Variants in EVC2 observed in about 807,000 individuals in gnomAD.
EVC2 encodes the protein limbin.
In EVC2, 148 loss-of-function variants were observed where a neutral mutation model predicts 149.3. That is an observed-to-expected ratio of 0.99 (90% confidence interval 0.87 to 1.14). EVC2 has a LOEUF of 1.14. Ranked by LOEUF, EVC2 falls within the 50% of genes most tolerant of loss-of-function variation. The pLI is 0.00. For synonymous variants in EVC2, 776 were observed against 649.9 expected (o/e 1.19, Z -2.95); for missense variants, 1,854 against 1,627.3 (o/e 1.14, Z -2.40).
chr4:5,677,137 C>T lies in EVC2; in HGVS notation c.870+4123G>A, dbSNP rs2151719830. On this transcript the variant is annotated intron_variant, in intron 7 of 21. Transcript: ENST00000344408. This position sits in a 1 kb window ranked among gnomAD's most constrained non-coding sequence, Gnocchi z 4.3. ...TGACATTTATGGAGCCCTCACAGTG[C>T]CAGGCACTGTGCTGAGTACTTTACA... Among the ~76,000 whole-genome samples the T allele has an allele frequency of 6.6e-6, 1 of 152,254 alleles. No individual in the cohort carries two copies. The highest frequency in any genetic ancestry group is 1.9e-4 in the East Asian group (1 of 5,182).
chr4:5,673,350 T>G (rs1367732188), intron 7 of EVC2, among the ~76,000 whole-genome samples: 1 of 152,190 alleles, frequency 6.6e-6, no homozygotes, highest in Admixed American at 6.5e-5. Context: ...GGGGACAGGA[T>G]GCTGGTGGGA....
rs1025271938 is a variant in EVC2, at chr4:5,663,739, G to T, written c.1006-493C>A. On this transcript the variant is annotated intron_variant, in intron 8 of 21. Transcript: ENST00000344408. ...AGTTTGACACCAGCCTGGCCAACAC[G>T]GTGAAACCCTGTCTCTACTAAAAAT... Among the ~76,000 whole-genome samples the T allele has an allele frequency of 9.2e-5, 14 of 152,112 alleles. No homozygotes were observed. The East Asian group carries it at 2.7e-3, about 29-fold the overall frequency.
chr4:5,576,461 A>G lies in EVC2; in HGVS notation c.3058-7T>C. On this transcript the variant is annotated splice_polypyrimidine_tract_variant and splice_region_variant and intron_variant, in intron 17 of 21. Transcript: ENST00000344408. This position sits in a 1 kb window ranked among gnomAD's most constrained non-coding sequence, Gnocchi z 4.5. ...TCTCCAACTCCTGGAGCTCCTACAC[A>G]AGGAAGGGGCAGAGGGTAAGCACCA... 6.3e-7 allele frequency: 1 copy of G among 1,582,150 alleles called. No individual in the cohort carries two copies. Among genetic ancestry groups the G allele is most frequent in the Non-Finnish European group, 8.6e-7 (1 of 1,165,330 alleles).
At chr4:5,557,763 A>G (rs976893373), downstream of EVC2, among the ~76,000 whole-genome samples, 1 of 152,158 alleles carries the variant, frequency 6.6e-6, no homozygotes, top group Non-Finnish European at 1.5e-5. Flanking sequence ...GCTTTCCTAT[A>G]TAACAGAAAT....
At chr4:5,708,667 A>G (rs545081513), upstream of EVC2, 39 of 544,484 alleles carry the variant, frequency 7.2e-5, 2 homozygotes, top group Middle Eastern at 1.0e-3. Flanking sequence ...TTGGCGGGCC[A>G]GGAGGTGCCG....
chr4:5,688,934 ATCTC>A lies in EVC2; in HGVS notation c.706+219_706+222del, dbSNP rs376083261. On this transcript the variant is annotated intron_variant, in intron 5 of 21. Transcript: ENST00000344408. ...CCACAACTCTTTCCCCAAATCCAAC[ATCTC>A]TCTAAGATAAATGAGAAATTCAGCT... Among the ~76,000 whole-genome samples the A allele has an allele frequency of 3.3e-3, 498 of 152,294 alleles. 3 individuals carry two copies. Among genetic ancestry groups the A allele is most frequent in the African/African-American group, 0.011 (476 of 41,564 alleles).
rs192363176 is a variant in EVC2, at chr4:5,696,025, G to A, written c.284-1524C>T. ...CAATTGCATCAAGCATCGGGGAACT[G>A]ATGGCCCTCGCCATGGAAACAAGTG... On this transcript the variant is annotated intron_variant, in intron 2 of 21. Transcript: ENST00000344408. The surrounding 1 kb of genome is among the most constrained non-coding windows in gnomAD (Gnocchi z 4.1). Among the ~76,000 whole-genome samples the A allele has an allele frequency of 5.5e-4, 84 of 152,320 alleles. No individual in the cohort carries two copies. The highest frequency in any genetic ancestry group is 1.0e-4 in the Non-Finnish European group (7 of 68,030).
At chr4:5,535,048 C>T in the EVC2 span, among the ~76,000 whole-genome samples, 1 of 152,088 alleles carries the variant, frequency 6.6e-6, no homozygotes, top group Non-Finnish European at 1.5e-5. This position sits in a 1 kb window ranked among gnomAD's most constrained non-coding sequence, Gnocchi z 4.7. Flanking sequence ...CAGAGGTTCC[C>T]TCAATACCAG....
chr4:5,700,369 C>T (rs1721751243), intron 1 of EVC2, among the ~76,000 whole-genome samples: 1 of 152,212 alleles, frequency 6.6e-6, no homozygotes, highest in Non-Finnish European at 1.5e-5. Context: ...CCGAACTCCA[C>T]ACAAATGTAC....
chr4:5,642,075 T>C (rs187697901), intron 9 of EVC2, among the ~76,000 whole-genome samples: 10 of 152,242 alleles, frequency 6.6e-5, no homozygotes, highest in Non-Finnish European at 1.0e-4. Flanking sequence ...TTGCTAAGAG[T>C]TTCCAGCTTC....
intron 9 of EVC2, among the ~76,000 whole-genome samples, chr4:5,652,412 C>T (rs1718210879): frequency 6.6e-6 from 1 of 152,210 alleles, no homozygotes; most frequent in South Asian, 2.1e-4. Context: ...GTCAGCTGCC[C>T]AGCACTGAGA....
At chr4:5,590,670 T>A (rs1712711527) in intron 16 of EVC2, among the ~76,000 whole-genome samples, 1 of 151,882 alleles carries the variant, frequency 6.6e-6, no homozygotes, top group Non-Finnish European at 1.5e-5. Flanking sequence ...CAGTGAGGGT[T>A]TTAGTGTCCT....
At position 5,563,130 on chromosome 4, in the gene EVC2, A is replaced by G; in HGVS notation, c.3660-15T>C. On this transcript the variant is annotated splice_polypyrimidine_tract_variant and intron_variant, in intron 21 of 21. Coordinates refer to ENST00000344408, the MANE Select transcript of EVC2 (RefSeq NM_147127.5). The stretch of plus-strand genomic sequence containing the variant: ...TCTTTAATATGCTAAAGAAATAGCA[A>G]AAGATCAAATTCAATATTTTTGGCA... 1 of 1,610,034 alleles carries G rather than the reference A, an allele frequency of 6.2e-7. No homozygotes were observed. Among genetic ancestry groups the G allele is most frequent in the Non-Finnish European group, 8.5e-7 (1 of 1,178,772 alleles).
At chr4:5,539,896 A>T (rs1560114306), downstream of EVC2, among the ~76,000 whole-genome samples, 1 of 152,224 alleles carries the variant, frequency 6.6e-6, no homozygotes. Context: ...ATCAAAATTA[A>T]TAACTTCTGC....
chr4:5,618,041 G>A lies in EVC2; in HGVS notation c.2706+437C>T, dbSNP rs1234837547. 6.6e-6 allele frequency among the ~76,000 whole-genome samples: 1 copy of A among 152,148 alleles called. No individual in the cohort carries two copies. The highest frequency in any genetic ancestry group is 1.9e-4 in the East Asian group (1 of 5,198). On this transcript the variant is annotated intron_variant, in intron 15 of 21. Coordinates refer to ENST00000344408, the MANE Select transcript of EVC2 (RefSeq NM_147127.5). The surrounding 1 kb of genome is among the most constrained non-coding windows in gnomAD (Gnocchi z 4.4). ...CATCATCCTTTAAGACCCTGTGCAA[G>A]AGCCCCTCTTTCCCTGACCCACCTG...
rs201555920 is a variant in EVC2 at position 5,663,243 on chromosome 4, A to T, written c.1009T>A (p.Trp337Arg). ...KGNMLTRHRV[W>R]QYESKLEPLP... is the part of the protein sequence containing the mutation. ...GGTTCCAGCTTGCTCTCATACTGCC[A>T]AACCTTCAGGAGAATTGCGGAAATA... Residue 337 changes from tryptophan (W) to arginine (R), a missense_variant, in exon 9 of 22, where the codon TGG becomes AGG. Coordinates refer to ENST00000344408, the MANE Select transcript of EVC2 (RefSeq NM_147127.5). 3.9e-4 allele frequency: 622 copies of T among 1,614,000 alleles called. No homozygotes were observed. The highest frequency in any genetic ancestry group is 5.2e-4 in the Non-Finnish European group (609 of 1,179,988).
Position 5,665,548 on chromosome 4 carries a change from C to G in EVC2, c.972G>C (p.Gln324His). 1 of 1,614,204 alleles carries G rather than the reference C, an allele frequency of 6.2e-7. No homozygotes were observed. Among genetic ancestry groups the G allele is most frequent in the Non-Finnish European group, 8.5e-7 (1 of 1,180,046 alleles). ...WAALFLMVRYQCLKGNMLTRH... is the reference protein window; with the variant it reads ...WAALFLMVRYHCLKGNMLTRH... ...TGGTGAGCATGTTTCCCTTCAGACA[C>G]TGATAGCGAACCATGAGGAAGAGGG... The change falls in exon 8 of 22, where the codon CAG (glutamine) becomes CAC (histidine). Residue 324 changes from glutamine (Q) to histidine (H), a missense_variant. Transcript: ENST00000344408.
chr4:5,660,569 T>G (rs144222355), intron 9 of EVC2, among the ~76,000 whole-genome samples: 81 of 152,286 alleles, frequency 5.3e-4, no homozygotes, highest in African/African-American at 1.9e-3. Flanking sequence ...CCATTTTCAG[T>G]ATGCTTTCAA....
chr4:5,593,917 T>C (rs1457112337), intron 16 of EVC2, among the ~76,000 whole-genome samples: 2 of 152,222 alleles, frequency 1.3e-5, no homozygotes, highest in African/African-American at 2.4e-5. Context: ...CAGGAGATTA[T>C]ATCCCCCACC....
Sources: allele counts gnomAD v4.1 joint callset (sites outside exome capture counted in the v4.1 genomes callset), GRCh38; gene constraint gnomAD v4.1.1; non-coding constraint Gnocchi (gnomAD v3.1); transcripts MANE v1.5; gene names NCBI Gene and HGNC (gene_info 2026-07-23, HGNC 2026-07-21).